Variants in SIL1 observed in about 807,000 individuals in gnomAD.
SIL1 encodes the protein nucleotide exchange factor SIL1.
A neutral mutation model predicts 49.1 loss-of-function variants in SIL1; 40 were observed. That is an observed-to-expected ratio of 0.81 (90% CI 0.63 to 1.06). The LOEUF (loss-of-function observed/expected upper bound fraction) is 1.06. Among genes scored for constraint, SIL1 ranks in the 50% least tolerant of loss-of-function variants. The pLI is 0.00. For missense variants in SIL1, 500 were observed against 572.6 expected (o/e 0.87, Z 1.29); for synonymous variants, 253 against 250.8 (o/e 1.01, Z -0.08).
intron 3 of SIL1, among the ~76,000 whole-genome samples, chr5:139,119,580 G>A (rs1426126382): frequency 6.6e-6 from 1 of 152,132 alleles, no homozygotes; most frequent in Non-Finnish European, 1.5e-5. Context: ...GGGCAACAGG[G>A]CAAAACCTAG....
At chr5:139,020,304 G>A (rs1768491909) in intron 7 of SIL1, among the ~76,000 whole-genome samples, 1 of 152,222 alleles carries the variant, frequency 6.6e-6, no homozygotes, top group Admixed American at 6.5e-5. Context: ...ATCAGACTGA[G>A]ATTCTGATTT....
intron 8 of SIL1, 74 bp downstream of exon 8, chr5:138,951,713 TG>T: frequency 1.4e-6 from 2 of 1,391,722 alleles, no homozygotes; most frequent in Non-Finnish European, 2.0e-6. Flanking sequence ...ATGCACAGCC[TG>T]GACAGGAACC....
intron 7 of SIL1, among the ~76,000 whole-genome samples, chr5:138,955,199 G>A (rs1230967380): frequency 6.6e-6 from 1 of 152,234 alleles, no homozygotes; most frequent in Non-Finnish European, 1.5e-5. Flanking sequence ...CATCAGTGGC[G>A]CTGGTGTGCT....
chr5:139,126,432 C>T (rs1052249268), intron 2 of SIL1, among the ~76,000 whole-genome samples: 15 of 152,208 alleles, frequency 9.9e-5, no homozygotes, highest in African/African-American at 3.1e-4. Flanking sequence ...TCTGCTAAAG[C>T]TCACGATGGG....
chr5:138,954,665 A>G (rs1372814586), intron 7 of SIL1, among the ~76,000 whole-genome samples: 1 of 152,246 alleles, frequency 6.6e-6, no homozygotes, highest in Non-Finnish European at 1.5e-5. Context: ...ATCTGCTCCT[A>G]GAAACAGACC....
At chr5:139,098,357 C>T (rs1581098205) in intron 3 of SIL1, among the ~76,000 whole-genome samples, 1 of 152,248 alleles carries the variant, frequency 6.6e-6, no homozygotes, top group Non-Finnish European at 1.5e-5. Flanking sequence ...ATGGTCTCTT[C>T]AATAAATGGT....
intron 7 of SIL1, among the ~76,000 whole-genome samples, chr5:138,960,591 C>T (rs1766998743): frequency 6.6e-6 from 1 of 151,898 alleles, no homozygotes; most frequent in South Asian, 2.1e-4. Flanking sequence ...ACACTAACCA[C>T]CATGCCCAGT....
chr5:138,968,740 C>T (rs1238403073), intron 7 of SIL1, among the ~76,000 whole-genome samples: 1 of 152,200 alleles, frequency 6.6e-6, no homozygotes, highest in African/African-American at 2.4e-5. Context: ...GCCCAATGCC[C>T]AGCATGCAAT....
intron 3 of SIL1, among the ~76,000 whole-genome samples, chr5:139,087,629 C>A (rs911490675): frequency 2.0e-5 from 3 of 152,126 alleles, no homozygotes; most frequent in Admixed American, 1.3e-4. Context: ...ACTGGGGGAG[C>A]AATCATACTG....
chr5:139,011,854 TA>T (rs1180630950), intron 7 of SIL1, among the ~76,000 whole-genome samples: 1 of 151,894 alleles, frequency 6.6e-6, no homozygotes, highest in African/African-American at 2.4e-5. Context: ...AACTACGTTT[TA>T]AAAAAAACCT....
intron 7 of SIL1, among the ~76,000 whole-genome samples, chr5:138,998,025 T>C (rs1244165258): frequency 1.3e-5 from 2 of 152,234 alleles, no homozygotes; most frequent in South Asian, 2.1e-4. Context: ...AGGGATTGCA[T>C]TGAATCTGTA....
chr5:139,190,996 C>A (rs925101724), intron 1 of SIL1, among the ~76,000 whole-genome samples: 1 of 152,036 alleles, frequency 6.6e-6, no homozygotes, highest in Non-Finnish European at 1.5e-5. Context: ...CTTTGGGAGA[C>A]CGGGGTGAGC....
chr5:139,118,271 A>G (rs1771040776), intron 3 of SIL1, among the ~76,000 whole-genome samples: 1 of 152,256 alleles, frequency 6.6e-6, no homozygotes, highest in Non-Finnish European at 1.5e-5. Context: ...CCATAGGGAC[A>G]GAAGCCTACA....
chr5:139,096,440 G>A (rs910562711), intron 3 of SIL1, among the ~76,000 whole-genome samples: 11 of 152,016 alleles, frequency 7.2e-5, no homozygotes, highest in African/African-American at 2.4e-4. Flanking sequence ...CGGCAGAAGA[G>A]TGGGAAACAC....
intron 7 of SIL1, among the ~76,000 whole-genome samples, chr5:139,000,378 A>G (rs571157185): frequency 2.0e-4 from 31 of 152,358 alleles, no homozygotes; most frequent in East Asian, 1.3e-3. Flanking sequence ...ATATAAAGCT[A>G]CAGTAATTAA....
At chr5:139,038,663 C>T (rs115540127) in intron 5 of SIL1, among the ~76,000 whole-genome samples, 1,756 of 152,340 alleles carry the variant, frequency 0.012, 33 homozygotes, top group African/African-American at 0.04. Context: ...AACAACTTCA[C>T]CTGCCACCAC....
chr5:139,082,639 A>G (rs1770109157), intron 3 of SIL1, among the ~76,000 whole-genome samples: 2 of 152,208 alleles, frequency 1.3e-5, no homozygotes, highest in African/African-American at 4.8e-5. Flanking sequence ...AAGCCCTTCT[A>G]TCATTCTTCC....
intron 1 of SIL1, chr5:139,155,365 T>G (rs1359277700): frequency 6.6e-6 from 1 of 152,014 alleles, no homozygotes; most frequent in Non-Finnish European, 1.5e-5. Flanking sequence ...AGCTGAAGAC[T>G]CTCATCTTAG....
chr5:138,988,111 A>G (rs1449053169), intron 7 of SIL1, among the ~76,000 whole-genome samples: 1 of 152,138 alleles, frequency 6.6e-6, no homozygotes, highest in Admixed American at 6.5e-5. Flanking sequence ...GGGATTATAG[A>G]TGTGAGACAC....
Sources: gnomAD v4.1 joint callset for allele counts (sites outside exome capture counted in the v4.1 genomes callset) on GRCh38, gnomAD v4.1.1 for gene constraint, MANE v1.5 for transcripts, NCBI Gene and HGNC (gene_info 2026-07-23, HGNC 2026-07-21) for gene names.